TFEC: variants seen among roughly 807,000 people sequenced by gnomAD.
The protein encoded by TFEC is class E basic helix-loop-helix protein 34.
In TFEC, 31 loss-of-function variants were observed where a neutral mutation model predicts 41.6. The ratio of observed to expected loss-of-function variants is 0.74; its 90% confidence interval spans 0.56 to 1.01. The LOEUF is 1.01. TFEC is among the 50% of genes least tolerant of loss of function. The pLI is 0.00. For missense variants in TFEC, 402 were observed against 404.1 expected, an observed-to-expected ratio of 0.99 and a Z score of 0.04; for synonymous variants, 143 against 140.6, an observed-to-expected ratio of 1.02 and a Z score of -0.12.
chr7:115,949,045 T>C (rs543356912), intron 6 of TFEC, among the ~76,000 whole-genome samples: 1 of 152,222 alleles, frequency 6.6e-6, no homozygotes, highest in South Asian at 2.1e-4. Flanking sequence ...AGCATTCTTA[T>C]ACACAAATAA....
chr7:115,990,202 A>G (rs752553004), intron 1 of TFEC, among the ~76,000 whole-genome samples: 1 of 152,152 alleles, frequency 6.6e-6, no homozygotes, highest in African/African-American at 2.4e-5. Flanking sequence ...GAGAAAGGAC[A>G]TCCACACCAA....
At chr7:115,949,346 C>T (rs1442257405) in intron 6 of TFEC, among the ~76,000 whole-genome samples, 4 of 151,994 alleles carry the variant, frequency 2.6e-5, no homozygotes, top group Non-Finnish European at 4.4e-5. Flanking sequence ...TTGGAAAAAA[C>T]TACTTTAAAG....
chr7:115,981,333 T>C (rs928678366), intron 2 of TFEC, among the ~76,000 whole-genome samples: 1 of 152,264 alleles, frequency 6.6e-6, no homozygotes, highest in East Asian at 1.9e-4. Context: ...AGACCTCACA[T>C]TGAAAAAATT....
intron 1 of TFEC, among the ~76,000 whole-genome samples, chr7:115,997,803 G>C (rs1362523161): frequency 6.6e-6 from 1 of 152,020 alleles, no homozygotes; most frequent in African/African-American, 2.4e-5. Context: ...AGTTCAATAG[G>C]CATGCTGAAG....
intron 3 of TFEC, 144 bp downstream of exon 3, chr7:115,974,026 C>G (rs1360022639): frequency 1.7e-6 from 1 of 601,216 alleles, no homozygotes; most frequent in Non-Finnish European, 2.8e-6. Context: ...TTTTTCTGCA[C>G]CAATAAATAT....
chr7:116,143,470 A>C (rs1798581048), intron 1 of TFEC, among the ~76,000 whole-genome samples: 1 of 152,170 alleles, frequency 6.6e-6, no homozygotes, highest in African/African-American at 2.4e-5. Context: ...TCCAGGACGA[A>C]AAGCTGAATG....
intron 3 of TFEC, among the ~76,000 whole-genome samples, chr7:115,969,774 G>A (rs757384146): frequency 2.6e-5 from 4 of 151,958 alleles, no homozygotes; most frequent in Non-Finnish European, 5.9e-5. Context: ...GCCTGTGGCT[G>A]TAGGGAGAGA....
intron 3 of TFEC, among the ~76,000 whole-genome samples, chr7:116,099,310 A>G (rs1026214791): frequency 6.6e-6 from 1 of 152,226 alleles, no homozygotes; most frequent in East Asian, 1.9e-4. Flanking sequence ...TGACTGCACC[A>G]TGTTAAATAA....
chr7:115,940,585 C>A lies in TFEC; in HGVS notation c.1010G>T (p.Ser337Ile), dbSNP rs1176400254. The change falls in exon 8 of 8, where the codon AGT becomes ATT. Residue 337 changes from serine to isoleucine, a missense_variant. By Grantham distance (142) the Ser-to-Ile change is moderately radical (BLOSUM62 -2). Transcript: ENST00000265440. ...ATCACCATCATCTGAGCTAAAGCTA[C>A]TTCTCCTACTGCTTTCTTTGGAAAC... is the stretch of plus-strand genomic sequence containing the variant. ...PAVSKESSRR[S>I]SFSSDDGDEL 6.2e-7 allele frequency: 1 copy of A among 1,612,912 alleles called. No homozygotes were observed. The highest frequency in any genetic ancestry group is 1.3e-5 in the African/African-American group (1 of 74,864).
intron 1 of TFEC, among the ~76,000 whole-genome samples, chr7:116,021,512 C>A (rs1392218093): frequency 6.6e-6 from 1 of 152,186 alleles, no homozygotes; most frequent in African/African-American, 2.4e-5. Flanking sequence ...AATGAGACAT[C>A]TCACTCCAGA....
intron 3 of TFEC, among the ~76,000 whole-genome samples, chr7:116,045,113 G>A (rs918934360): frequency 6.6e-6 from 1 of 152,206 alleles, no homozygotes; most frequent in Non-Finnish European, 1.5e-5. Context: ...AGTTTAGAGG[G>A]CTCAGAAGAA....
At position 116,062,225 on chromosome 7, in the gene TFEC, C is replaced by CTTTTTTTTTTTTTTT. The variant is rs569480964; in HGVS notation, c.198+48468_198+48482dup. 1.1e-3 allele frequency among the ~76,000 whole-genome samples: 55 copies of CTTTTTTTTTTTTTTT among 51,910 alleles called. 1 individual carries two copies. Among genetic ancestry groups the CTTTTTTTTTTTTTTT allele is most frequent in the East Asian group, 2.6e-3 (3 of 1,160 alleles). The allele number at this position is 51,910 out of a possible 152,430, so 34.1% of individuals were successfully genotyped here. A position where few individuals can be genotyped will look rare whatever the true frequency, so the allele number is the denominator to read the frequency against. On this transcript the variant is annotated intron_variant, in intron 3 of 8. Coordinates refer to the TFEC transcript ENST00000484212. ...ACAGGCATGTGCCAACATGCCTGGC[C>CTTTTTTTTTTTTTTT]TTTTTTTTTTTTTTTTTTTTTTTTT...
At chr7:116,110,611 C>T in intron 3 of TFEC, 1 of 915,012 alleles carries the variant, frequency 1.1e-6, no homozygotes, top group Non-Finnish European at 1.5e-6. Flanking sequence ...TGTTTTTTTC[C>T]TTCAATTTTT....
chr7:116,102,182 G>A (rs548445661), intron 3 of TFEC, among the ~76,000 whole-genome samples: 17 of 152,216 alleles, frequency 1.1e-4, no homozygotes, highest in Non-Finnish European at 2.2e-4. Context: ...TATAATGCGG[G>A]AGAAATTGCC....
chr7:115,968,438 T>C, intron 3 of TFEC: 1 of 646,364 alleles, frequency 1.5e-6, no homozygotes, highest in Non-Finnish European at 2.3e-6. Context: ...TGTTAATATT[T>C]ACTCATTCCT....
At chr7:115,988,666 G>A (rs1793966481) in intron 1 of TFEC, among the ~76,000 whole-genome samples, 1 of 151,956 alleles carries the variant, frequency 6.6e-6, no homozygotes, top group African/African-American at 2.4e-5. Flanking sequence ...AATATTTAAA[G>A]CAATAATGAC....
chr7:115,958,688 A>G (rs1792367380), intron 3 of TFEC, among the ~76,000 whole-genome samples: 1 of 151,834 alleles, frequency 6.6e-6, no homozygotes, highest in African/African-American at 2.4e-5. Flanking sequence ...TGGGGTTTAA[A>G]TTCTGATAAT....
At chr7:116,039,023 A>G (rs1795972499) in intron 3 of TFEC, among the ~76,000 whole-genome samples, 1 of 151,998 alleles carries the variant, frequency 6.6e-6, no homozygotes, top group Non-Finnish European at 1.5e-5. Flanking sequence ...GACATTCATC[A>G]CTTCTATCCA....
chr7:116,152,130 T>TA (rs1798774686), intron 1 of TFEC, among the ~76,000 whole-genome samples: 1 of 152,094 alleles, frequency 6.6e-6, no homozygotes, highest in South Asian at 2.1e-4. Flanking sequence ...TTAGTTCAGT[T>TA]AAAAAATGTC....
Sources: gnomAD v4.1 joint callset for allele counts (sites outside exome capture counted in the v4.1 genomes callset) on GRCh38, gnomAD v4.1.1 for gene constraint, MANE v1.5 for transcripts, NCBI Gene and HGNC (gene_info 2026-07-23, HGNC 2026-07-21) for gene names.